Variants in DPP10 observed in about 807,000 individuals in gnomAD.
DPP10 encodes dipeptidyl peptidase like 10, also known as inactive dipeptidyl peptidase 10.
A neutral mutation model predicts 120.9 loss-of-function variants in DPP10; 33 were observed. That is an observed-to-expected ratio of 0.27 (90% CI 0.21 to 0.37). The LOEUF (loss-of-function observed/expected upper bound fraction) is 0.37. Ranked by LOEUF, DPP10 falls within the 10% of genes least tolerant of loss-of-function variation. The pLI, the probability that DPP10 is intolerant of heterozygous loss-of-function variation, is 1.00. For synonymous variants in DPP10, 337 were observed against 326.1 expected, an observed-to-expected ratio of 1.03 and a Z score of -0.36; for missense variants, 816 against 942.8, an observed-to-expected ratio of 0.87 and a Z score of 1.76.
intron 5 of DPP10, among the ~76,000 whole-genome samples, chr2:115,527,000 T>A (rs1293824757): frequency 6.6e-6 from 1 of 152,118 alleles, no homozygotes; most frequent in Non-Finnish European, 1.5e-5. Flanking sequence ...TATGTTATAG[T>A]AAGAAAAATA....
At chr2:115,109,891 C>T (rs76652741) in intron 1 of DPP10, among the ~76,000 whole-genome samples, 8,869 of 152,264 alleles carry the variant, frequency 0.058, 316 homozygotes, top group East Asian at 0.15. Context: ...CAATGCTGAG[C>T]TTGAGAGACT....
At chr2:115,091,252 T>A (rs6720237) in intron 1 of DPP10, among the ~76,000 whole-genome samples, 120,762 of 152,086 alleles carry the variant, frequency 0.79, 48,685 homozygotes, top group Non-Finnish European at 0.88. Context: ...AAACCTTGTC[T>A]GGCTCCCTTC....
chr2:114,517,045 T>TTTTTCTA, intron 1 of DPP10, among the ~76,000 whole-genome samples: 1 of 152,184 alleles, frequency 6.6e-6, no homozygotes, highest in Non-Finnish European at 1.5e-5. Context: ...TAACTAACTT[T>TTTTTCTA]AGGGTATTCT....
At chr2:115,103,245 T>A (rs1573624079) in intron 1 of DPP10, among the ~76,000 whole-genome samples, 1 of 147,068 alleles carries the variant, frequency 6.8e-6, no homozygotes, top group East Asian at 2.0e-4. Context: ...TGGAGTGCAG[T>A]GGCGCAATCT....
intron 5 of DPP10, among the ~76,000 whole-genome samples, chr2:115,533,621 A>G (rs12373737): frequency 0.97 from 147,384 of 152,116 alleles, 71,573 homozygotes; most frequent in East Asian, 1. Flanking sequence ...ACATATTTAA[A>G]AATTCTGGGG....
chr2:115,529,053 G>A lies in DPP10; in HGVS notation c.441+3081G>A, dbSNP rs184500865. Among the ~76,000 whole-genome samples the A allele has an allele frequency of 3.5e-3, 531 of 151,996 alleles. 2 individuals are homozygous for A. Among genetic ancestry groups the A allele is most frequent in the African/African-American group, 0.012 (494 of 41,480 alleles). The stretch of plus-strand genomic sequence containing the variant: ...GGAAAACTGGGTGAAGAACACCTGT[G>A]ATCTCTCAGTATTATTTATTATAAT... On this transcript the variant is annotated intron_variant, in intron 5 of 25. Transcript: ENST00000410059.
chr2:115,463,715 C>A (rs887989840), intron 3 of DPP10, among the ~76,000 whole-genome samples: 10 of 152,090 alleles, frequency 6.6e-5, no homozygotes, highest in African/African-American at 1.9e-4. Context: ...ATTCAAGTAT[C>A]CCTTTAGGCA....
At chr2:115,054,734 A>G (rs1705768807) in intron 1 of DPP10, among the ~76,000 whole-genome samples, 1 of 152,028 alleles carries the variant, frequency 6.6e-6, no homozygotes, top group African/African-American at 2.4e-5. Context: ...AATATGCTGA[A>G]ACCCAGTCTC....
At chr2:115,038,378 C>T (rs934706490) in intron 1 of DPP10, among the ~76,000 whole-genome samples, 2 of 152,046 alleles carry the variant, frequency 1.3e-5, no homozygotes, top group African/African-American at 4.8e-5. Flanking sequence ...TCACGCCATT[C>T]TCCTGCCTCA....
At chr2:114,755,019 A>C (rs185662080) in intron 1 of DPP10, among the ~76,000 whole-genome samples, 12 of 152,342 alleles carry the variant, frequency 7.9e-5, no homozygotes. Context: ...AGACAGAACA[A>C]CTTAATAAAA....
chr2:114,575,575 G>C (rs1369674401), intron 1 of DPP10, among the ~76,000 whole-genome samples: 4 of 152,266 alleles, frequency 2.6e-5, no homozygotes, highest in Middle Eastern at 3.4e-3. Context: ...ATTAGGTAAA[G>C]ATTGCATCTT....
intron 3 of DPP10, among the ~76,000 whole-genome samples, chr2:115,376,087 G>A (rs2065772117): frequency 6.6e-6 from 1 of 152,062 alleles, no homozygotes; most frequent in South Asian, 2.1e-4. Context: ...GCCCACTCTT[G>A]CTAAAATTGT....
Position 115,689,691 on chromosome 2 carries a change from T to G in DPP10, c.446T>G (p.Phe149Cys). The change falls in exon 6 of 26, where the codon TTT becomes TGT. Residue 149 changes from phenylalanine (F) to cysteine (C), a missense_variant. Coordinates refer to ENST00000410059, the MANE Select transcript of DPP10 (RefSeq NM_020868.6). ...VLLAYDVKQI[F>C]HYSYTASYVI... ...ATGTTTCTTTTTTAATTTCAGATTT[T>G]TCATTATTCGTATACTGCTTCATAT... The G allele has an allele frequency of 6.5e-7, 1 of 1,541,034 alleles. No individual in the cohort carries two copies. The highest frequency in any genetic ancestry group is 8.9e-7 in the Non-Finnish European group (1 of 1,129,910).
intron 1 of DPP10, among the ~76,000 whole-genome samples, chr2:114,693,517 C>G (rs1699892619): frequency 6.6e-6 from 1 of 151,780 alleles, no homozygotes; most frequent in African/African-American, 2.4e-5. Context: ...AACATTTTTT[C>G]TTTCATTTCG....
chr2:114,689,393 C>A (rs901292270), intron 1 of DPP10, among the ~76,000 whole-genome samples: 2 of 151,908 alleles, frequency 1.3e-5, no homozygotes, highest in Non-Finnish European at 2.9e-5. Context: ...CCATCCATGT[C>A]CCTGCAAAGG....
chr2:115,627,563 G>T (rs2085464815), intron 5 of DPP10, among the ~76,000 whole-genome samples: 1 of 152,088 alleles, frequency 6.6e-6, no homozygotes, highest in African/African-American at 2.4e-5. Flanking sequence ...ACATGTGCAG[G>T]ATGTGCAGGT....
intron 1 of DPP10, among the ~76,000 whole-genome samples, chr2:114,623,790 G>A (rs754558763): frequency 5.3e-5 from 8 of 151,992 alleles, no homozygotes; most frequent in African/African-American, 9.7e-5. Context: ...TCTAAAAATC[G>A]CTGTTGAGAA....
chr2:115,502,285 A>C (rs1409246592), intron 4 of DPP10, among the ~76,000 whole-genome samples: 2 of 152,146 alleles, frequency 1.3e-5, no homozygotes, highest in Non-Finnish European at 2.9e-5. Flanking sequence ...TACTTTTTTA[A>C]AAATGAAATA....
chr2:115,617,550 CT>C, intron 5 of DPP10, among the ~76,000 whole-genome samples: 1 of 151,626 alleles, frequency 6.6e-6, no homozygotes, highest in East Asian at 1.9e-4. Flanking sequence ...TTTACTATAT[CT>C]TTTCTATGTT....
Sources: gnomAD v4.1 joint callset for allele counts (sites outside exome capture counted in the v4.1 genomes callset) on GRCh38, gnomAD v4.1.1 for gene constraint, MANE v1.5 for transcripts, NCBI Gene and HGNC (gene_info 2026-07-23, HGNC 2026-07-21) for gene names.